Variants in CNTN5 observed in about 807,000 individuals in gnomAD.
CNTN5 encodes the protein contactin-5.
CNTN5 carries 77 observed loss-of-function variants against 129.1 expected under a neutral mutation model. The observed-to-expected ratio is 0.60, with a 90% CI of 0.50 to 0.72. The LOEUF (loss-of-function observed/expected upper bound fraction) is 0.72. CNTN5 is among the 30% of genes least tolerant of loss of function. CNTN5 has a pLI of 0.00. For missense variants in CNTN5, 1,478 were observed against 1,328.8 expected, an observed-to-expected ratio of 1.11 and a Z score of -1.75; for synonymous variants, 509 against 465.6, an observed-to-expected ratio of 1.09 and a Z score of -1.20.
chr11:99,305,222 T>C (rs1033526004), intron 1 of CNTN5, among the ~76,000 whole-genome samples: 3 of 152,172 alleles, frequency 2.0e-5, no homozygotes, highest in Non-Finnish European at 4.4e-5. Flanking sequence ...TCTCTCTGAA[T>C]GAATTATGAG....
At chr11:99,755,527 A>G (rs555191774) in intron 3 of CNTN5, among the ~76,000 whole-genome samples, 1 of 151,976 alleles carries the variant, frequency 6.6e-6, no homozygotes, top group Non-Finnish European at 1.5e-5. Flanking sequence ...TATCTTTTTT[A>G]GTGAATTCTT....
At chr11:99,655,556 T>A (rs1024637059) in intron 3 of CNTN5, among the ~76,000 whole-genome samples, 3 of 152,116 alleles carry the variant, frequency 2.0e-5, no homozygotes, top group Admixed American at 6.6e-5. Flanking sequence ...AGAATCTCTT[T>A]GGAAGCAAAC....
intron 13 of CNTN5, among the ~76,000 whole-genome samples, chr11:100,112,586 T>C (rs1332325203): frequency 6.6e-6 from 1 of 152,130 alleles, no homozygotes; most frequent in African/African-American, 2.4e-5. Flanking sequence ...TTGTTACAGT[T>C]CACTTCTTTG....
rs187897428 is a variant in CNTN5 at position 100,236,641 on chromosome 11, A to G, written c.2005+11829A>G. On this transcript the variant is annotated intron_variant, in intron 16 of 24. Coordinates refer to ENST00000524871, the MANE Select transcript of CNTN5 (RefSeq NM_014361.4). ...GCCAATATCTGGCTTTGTGTGTTTCAGTCTCCACTAGCTGACATGCTCCTA... is the reference window on the plus strand; with the variant it reads ...GCCAATATCTGGCTTTGTGTGTTTCGGTCTCCACTAGCTGACATGCTCCTA... Among the ~76,000 whole-genome samples, 248 of 152,160 alleles carry G rather than the reference A, an allele frequency of 1.6e-3. 1 individual carries two copies. The highest frequency in any genetic ancestry group is 5.6e-3 in the African/African-American group (231 of 41,510).
intron 1 of CNTN5, among the ~76,000 whole-genome samples, chr11:99,213,430 G>A (rs1003728050): frequency 4.3e-5 from 6 of 139,414 alleles, no homozygotes; most frequent in African/African-American, 8.1e-5. Flanking sequence ...ATATATACAC[G>A]TGTATATATA....
intron 2 of CNTN5, among the ~76,000 whole-genome samples, chr11:99,376,689 C>T (rs778053442): frequency 1.3e-5 from 2 of 152,088 alleles, no homozygotes; most frequent in African/African-American, 4.8e-5. Context: ...TTACCCCAGT[C>T]GCTTACCCCT....
At chr11:99,948,343 A>G (rs1300523810) in intron 7 of CNTN5, among the ~76,000 whole-genome samples, 1 of 152,114 alleles carries the variant, frequency 6.6e-6, no homozygotes, top group African/African-American at 2.4e-5. Flanking sequence ...GTAGGTCTCT[A>G]CCCAGCAGGC....
At chr11:99,155,499 G>A (rs552422211) in intron 1 of CNTN5, among the ~76,000 whole-genome samples, 9 of 152,268 alleles carry the variant, frequency 5.9e-5, no homozygotes, top group African/African-American at 2.2e-4. Flanking sequence ...GAAGTGATGC[G>A]ATTGGTCATT....
At chr11:99,466,128 C>T (rs767536416) in intron 2 of CNTN5, among the ~76,000 whole-genome samples, 2 of 152,104 alleles carry the variant, frequency 1.3e-5, no homozygotes, top group African/African-American at 2.4e-5. Flanking sequence ...GTGATCCACC[C>T]GCCTTGGCCT....
intron 3 of CNTN5, among the ~76,000 whole-genome samples, chr11:99,683,399 T>C (rs1292799812): frequency 6.6e-6 from 1 of 151,928 alleles, no homozygotes; most frequent in African/African-American, 2.4e-5. Flanking sequence ...GATTGTCTTT[T>C]CCTCACCAAG....
intron 13 of CNTN5, among the ~76,000 whole-genome samples, chr11:100,138,162 G>C (rs566384135): frequency 6.6e-6 from 1 of 151,884 alleles, no homozygotes; most frequent in South Asian, 2.1e-4. Flanking sequence ...AAAATGAGCA[G>C]GTTAAGAAGA....
chr11:99,360,941 C>T (rs766795910), intron 2 of CNTN5, among the ~76,000 whole-genome samples: 6 of 152,110 alleles, frequency 3.9e-5, no homozygotes, highest in Non-Finnish European at 7.4e-5. Flanking sequence ...AGACATGCCC[C>T]ATCTTCAACA....
At chr11:99,398,513 A>T (rs565726225) in intron 2 of CNTN5, among the ~76,000 whole-genome samples, 15 of 151,854 alleles carry the variant, frequency 9.9e-5, no homozygotes, top group African/African-American at 3.6e-4. Flanking sequence ...TGTGCTTCCA[A>T]TGTTCCAGCC....
chr11:99,170,277 A>G (rs1278853537), intron 1 of CNTN5, among the ~76,000 whole-genome samples: 2 of 152,152 alleles, frequency 1.3e-5, no homozygotes, highest in East Asian at 3.9e-4. Flanking sequence ...AATGAGGCTC[A>G]GAGAGCTTAA....
At chr11:100,051,672 C>T (rs774796787) in intron 9 of CNTN5, among the ~76,000 whole-genome samples, 1 of 151,630 alleles carries the variant, frequency 6.6e-6, no homozygotes, top group Non-Finnish European at 1.5e-5. Flanking sequence ...AAGTAAAACT[C>T]AAATCTCATT....
At chr11:99,982,125 C>T (rs894746217) in intron 8 of CNTN5, among the ~76,000 whole-genome samples, 2 of 152,124 alleles carry the variant, frequency 1.3e-5, no homozygotes, top group Non-Finnish European at 2.9e-5. Context: ...CATATATAAG[C>T]TGATAACTTC....
chr11:99,595,388 A>G (rs1950095435), intron 3 of CNTN5, among the ~76,000 whole-genome samples: 1 of 152,126 alleles, frequency 6.6e-6, no homozygotes, highest in African/African-American at 2.4e-5. Flanking sequence ...ATTTTTATGT[A>G]TTTCCTTAGT....
intron 9 of CNTN5, among the ~76,000 whole-genome samples, chr11:100,048,419 A>G (rs998427216): frequency 2.0e-5 from 3 of 152,146 alleles, no homozygotes; most frequent in African/African-American, 7.2e-5. Context: ...GTGTGAGCCA[A>G]TTCCCATAAT....
intron 13 of CNTN5, among the ~76,000 whole-genome samples, chr11:100,163,992 C>CCTAT (rs1463230063): frequency 6.6e-6 from 1 of 151,790 alleles, no homozygotes; most frequent in Non-Finnish European, 1.5e-5. Context: ...AGGTCAAAAT[C>CCTAT]CTATCTGACT....
Sources: gnomAD v4.1 joint callset for allele counts (sites outside exome capture counted in the v4.1 genomes callset) on GRCh38, gnomAD v4.1.1 for gene constraint, MANE v1.5 for transcripts, NCBI Gene and HGNC (gene_info 2026-07-23, HGNC 2026-07-21) for gene names.